The following PTPN3 variants were observed in gnomAD, a reference collection of about 807,000 sequenced individuals.
PTPN3 encodes the protein tyrosine-protein phosphatase non-receptor type 3.
A neutral mutation model predicts 132.7 loss-of-function variants in PTPN3; 96 were observed. The observed-to-expected ratio is 0.72, with a 90% CI of 0.61 to 0.86. The LOEUF is 0.86. PTPN3 is among the 40% of genes least tolerant of loss of function. The pLI, the probability that PTPN3 is intolerant of heterozygous loss-of-function variation, is 0.00. For missense variants in PTPN3, 1,125 were observed against 1,159.6 expected, an observed-to-expected ratio of 0.97 and a Z score of 0.43; for synonymous variants, 398 against 429.0, an observed-to-expected ratio of 0.93 and a Z score of 0.89.
intron 1 of PTPN3, among the ~76,000 whole-genome samples, chr9:109,496,129 C>A (rs1847657554): frequency 6.6e-6 from 1 of 152,202 alleles, no homozygotes; most frequent in Admixed American, 6.5e-5. Context: ...TGGCAAATCA[C>A]CAGAGAAAAC....
the PTPN3 span, among the ~76,000 whole-genome samples, chr9:109,505,324 G>A: frequency 6.6e-6 from 1 of 152,204 alleles, no homozygotes; most frequent in Non-Finnish European, 1.5e-5. Flanking sequence ...CCAGACTGGA[G>A]TATAGTGATG....
At chr9:109,468,507 C>T (rs1039770198) in intron 1 of PTPN3, among the ~76,000 whole-genome samples, 11 of 152,136 alleles carry the variant, frequency 7.2e-5, no homozygotes, top group Non-Finnish European at 4.4e-5. Context: ...GGTGGGACTA[C>T]AGGCGCCCGC....
intron 10 of PTPN3, among the ~76,000 whole-genome samples, chr9:109,432,785 C>A (rs1014387909): frequency 2.6e-5 from 4 of 152,182 alleles, no homozygotes; most frequent in African/African-American, 9.7e-5. Flanking sequence ...ATGTACTGCC[C>A]AGGAAAAATT....
chr9:109,489,330 C>T (rs1201886869), intron 1 of PTPN3, among the ~76,000 whole-genome samples: 1 of 152,148 alleles, frequency 6.6e-6, no homozygotes, highest in African/African-American at 2.4e-5. Context: ...GGAGGTGGGA[C>T]CACAGAGGTG....
At chr9:109,401,801 G>C in intron 19 of PTPN3, among the ~76,000 whole-genome samples, 1 of 152,146 alleles carries the variant, frequency 6.6e-6, no homozygotes, top group East Asian at 1.9e-4. Context: ...TTTGGGCTGA[G>C]ATTTTCCTGG....
At chr9:109,472,744 A>G (rs1281727389) in intron 1 of PTPN3, among the ~76,000 whole-genome samples, 2 of 152,226 alleles carry the variant, frequency 1.3e-5, no homozygotes, top group African/African-American at 2.4e-5. Flanking sequence ...ACAATACTAC[A>G]TAACAATACA....
chr9:109,522,807 T>C, the PTPN3 span, among the ~76,000 whole-genome samples: 1 of 152,162 alleles, frequency 6.6e-6, no homozygotes, highest in East Asian at 1.9e-4. Flanking sequence ...AAGGGAATGG[T>C]TGAGCAAATT....
intron 1 of PTPN3, among the ~76,000 whole-genome samples, chr9:109,488,999 G>A (rs956614703): frequency 7.2e-5 from 11 of 152,232 alleles, no homozygotes; most frequent in Non-Finnish European, 1.0e-4. Context: ...GGATGTGGGC[G>A]TTGGTGCAGG....
intron 1 of PTPN3, among the ~76,000 whole-genome samples, chr9:109,474,236 C>G (rs1846526112): frequency 6.6e-6 from 1 of 152,280 alleles, no homozygotes; most frequent in Admixed American, 6.5e-5. Flanking sequence ...GACATCAGGA[C>G]TTACCCCAGA....
At chr9:109,394,774 T>C (rs546463074) in intron 19 of PTPN3, among the ~76,000 whole-genome samples, 2 of 152,310 alleles carry the variant, frequency 1.3e-5, no homozygotes, top group African/African-American at 4.8e-5. Flanking sequence ...GTGTATATGA[T>C]ATATCTGCAA....
At chr9:109,482,673 T>C (rs901676713) in intron 1 of PTPN3, among the ~76,000 whole-genome samples, 2 of 152,190 alleles carry the variant, frequency 1.3e-5, no homozygotes, top group African/African-American at 2.4e-5. Context: ...TTCCTCTTCC[T>C]GGGTTCCCTC....
chr9:109,409,958 G>A (rs1364822345), intron 16 of PTPN3, 41 bp downstream of exon 16: 4 of 1,604,720 alleles, frequency 2.5e-6, no homozygotes, highest in Non-Finnish European at 3.4e-6. Context: ...TTGAAAGATT[G>A]CTTCCCAGCA....
At chr9:109,534,983 T>G in the PTPN3 span, among the ~76,000 whole-genome samples, 3 of 152,234 alleles carry the variant, frequency 2.0e-5, no homozygotes, top group African/African-American at 7.2e-5. Flanking sequence ...CTTACTTCCT[T>G]GGTAAAGTAT....
At chr9:109,533,126 A>ATTTTTTTTTTT in the PTPN3 span, among the ~76,000 whole-genome samples, 4 of 36,552 alleles carry the variant, frequency 1.1e-4, 1 homozygote, top group Non-Finnish European at 1.4e-4. Flanking sequence ...TACCTGGCTA[A>ATTTTTTTTTTT]TTTTTTTTTT....
chr9:109,477,222 C>G (rs751181699), intron 1 of PTPN3, among the ~76,000 whole-genome samples: 3 of 152,180 alleles, frequency 2.0e-5, no homozygotes, highest in Non-Finnish European at 4.4e-5. Context: ...CTGTAACTTA[C>G]TAAATAAGGT....
intron 12 of PTPN3, among the ~76,000 whole-genome samples, chr9:109,425,455 A>T (rs138140569): frequency 6.6e-6 from 1 of 152,364 alleles, no homozygotes; most frequent in East Asian, 1.9e-4. Context: ...TCATGCCTGT[A>T]ACCCCAACAC....
the PTPN3 span, among the ~76,000 whole-genome samples, chr9:109,526,987 C>T: frequency 6.6e-6 from 1 of 152,086 alleles, no homozygotes; most frequent in Non-Finnish European, 1.5e-5. Context: ...CTAGATCTTT[C>T]ATACCATACA....
chr9:109,384,836 C>T (rs1839434114), intron 22 of PTPN3, among the ~76,000 whole-genome samples: 1 of 152,238 alleles, frequency 6.6e-6, no homozygotes, highest in Non-Finnish European at 1.5e-5. Flanking sequence ...TGAAACTAAA[C>T]TATGCCGCTG....
intron 7 of PTPN3, among the ~76,000 whole-genome samples, chr9:109,442,037 T>C (rs1844511353): frequency 6.6e-6 from 1 of 151,816 alleles, no homozygotes; most frequent in Admixed American, 6.6e-5. Flanking sequence ...GATCCAGTAA[T>C]TTCATATACA....
Sources: allele counts gnomAD v4.1 joint callset (sites outside exome capture counted in the v4.1 genomes callset), GRCh38; gene constraint gnomAD v4.1.1; transcripts MANE v1.5; gene names NCBI Gene and HGNC (gene_info 2026-07-23, HGNC 2026-07-21).